Variants in PLEKHG7 observed in about 807,000 individuals in gnomAD.
The protein encoded by PLEKHG7 is pleckstrin homology domain-containing family G member 7.
Under a neutral mutation model 85.2 loss-of-function variants are expected in PLEKHG7, and 77 were observed. That is an observed-to-expected ratio of 0.90 (90% confidence interval 0.75 to 1.09). The LOEUF is 1.09. Among genes scored for constraint, PLEKHG7 ranks in the 50% least tolerant of loss-of-function variants. The probability of loss-of-function intolerance (pLI) is 0.00; values close to 1 mark genes in which losing one functional copy is unlikely to be tolerated. For synonymous variants in PLEKHG7, 301 were observed against 302.4 expected, an observed-to-expected ratio of 1.00 and a Z score of 0.05; for missense variants, 777 against 804.3, an observed-to-expected ratio of 0.97 and a Z score of 0.41.
chr12:92,719,136 T>C (rs981781675), intron 3 of PLEKHG7, among the ~76,000 whole-genome samples: 5 of 152,188 alleles, frequency 3.3e-5, no homozygotes, highest in African/African-American at 1.2e-4. Flanking sequence ...CAAAAGCGCA[T>C]TCCCAACAAT....
At chr12:92,732,582 G>A (rs1438807153) in intron 5 of PLEKHG7, among the ~76,000 whole-genome samples, 3 of 152,144 alleles carry the variant, frequency 2.0e-5, no homozygotes, top group African/African-American at 4.8e-5. Context: ...CAGCTCACTC[G>A]ATGAAGCAAA....
chr12:92,764,235 T>A, intron 15 of PLEKHG7, 41 bp downstream of exon 15: 1 of 1,543,784 alleles, frequency 6.5e-7, no homozygotes, highest in Non-Finnish European at 8.8e-7. Context: ...CTGTTTGCCA[T>A]CACAGAGTTT....
intron 13 of PLEKHG7, among the ~76,000 whole-genome samples, chr12:92,760,035 C>A (rs1344675375): frequency 6.6e-6 from 1 of 152,158 alleles, no homozygotes; most frequent in Non-Finnish European, 1.5e-5. Flanking sequence ...AGATGACTCA[C>A]CAATATGTCT....
intron 6 of PLEKHG7, among the ~76,000 whole-genome samples, chr12:92,737,051 T>C (rs540017462): frequency 6.6e-6 from 1 of 152,286 alleles, no homozygotes; most frequent in South Asian, 2.1e-4. Flanking sequence ...TTTTTGTCAA[T>C]AAACTGAAAA....
chr12:92,732,355 A>G (rs1178276558), intron 5 of PLEKHG7, 82 bp downstream of exon 5: 4 of 808,304 alleles, frequency 4.9e-6, no homozygotes, highest in Non-Finnish European at 6.6e-6. Context: ...GAGTCTCTTC[A>G]TTCTGCTTTA....
intron 3 of PLEKHG7, among the ~76,000 whole-genome samples, chr12:92,724,236 TC>T (rs1471282195): frequency 3.3e-5 from 5 of 152,328 alleles, no homozygotes; most frequent in Admixed American, 3.3e-4. Flanking sequence ...AATCCCAGTG[TC>T]CTGTATGCAA....
At chr12:92,748,968 T>G (rs1872611784) in intron 10 of PLEKHG7, among the ~76,000 whole-genome samples, 1 of 152,152 alleles carries the variant, frequency 6.6e-6, no homozygotes, top group South Asian at 2.1e-4. Context: ...TTTGATATTG[T>G]TCCCGTTTTT....
At chr12:92,719,393 C>A (rs1412022868) in intron 3 of PLEKHG7, among the ~76,000 whole-genome samples, 2 of 152,172 alleles carry the variant, frequency 1.3e-5, no homozygotes, top group African/African-American at 4.8e-5. Flanking sequence ...GGAATGCCAA[C>A]TTTTTCTAGT....
In PLEKHG7 at chr12:92,754,164, T is replaced by C. The variant is rs1350035993; in HGVS notation, c.1326T>C (p.Thr442=). ...ELLVAPLQRL[T]RYPLLLKNIW... ...TAGTGGCCCCACTACAGAGGCTCACTCGATATCCGTTGTTGCTGAAGAATA... is the reference window on the plus strand; with the variant it reads ...TAGTGGCCCCACTACAGAGGCTCACCCGATATCCGTTGTTGCTGAAGAATA... The change falls in exon 11 of 17, where the codon ACT becomes ACC. Residue 442 remains threonine, a synonymous_variant. Transcript: ENST00000344636. 1 of 1,614,060 alleles carries C rather than the reference T, an allele frequency of 6.2e-7. No homozygotes were observed.
At chr12:92,719,487 A>T (rs1443151073) in intron 3 of PLEKHG7, among the ~76,000 whole-genome samples, 2 of 152,224 alleles carry the variant, frequency 1.3e-5, no homozygotes, top group African/African-American at 2.4e-5. Context: ...ATAGTTTCTG[A>T]TGAATAGGGC....
intron 3 of PLEKHG7, among the ~76,000 whole-genome samples, chr12:92,716,351 G>T (rs2136577050): frequency 6.6e-6 from 1 of 152,208 alleles, no homozygotes; most frequent in Non-Finnish European, 1.5e-5. Context: ...ACCCTCCTTG[G>T]CCTCCCAAAG....
intron 11 of PLEKHG7, among the ~76,000 whole-genome samples, chr12:92,754,891 A>T (rs1457017633): frequency 1.3e-5 from 2 of 152,246 alleles, no homozygotes; most frequent in Non-Finnish European, 2.9e-5. Flanking sequence ...TCAGCTATAC[A>T]TAATTTTTTT....
chr12:92,755,958 A>G lies in PLEKHG7; in HGVS notation c.1542+18A>G, dbSNP rs770790003. 1.3e-5 allele frequency: 20 copies of G among 1,526,956 alleles called. No individual in the cohort carries two copies. The highest frequency in any genetic ancestry group is 5.8e-5 in the South Asian group (5 of 86,236). 94.6% of individuals were successfully genotyped at this position (1,526,956 alleles called of 1,614,324 possible). A position where few individuals can be genotyped will look rare whatever the true frequency, so the allele number is the denominator to read the frequency against. On this transcript the variant is annotated intron_variant, in intron 12 of 16. Coordinates refer to ENST00000344636, the MANE Select transcript of PLEKHG7 (RefSeq NM_001377329.1). ...TTCCAGAGGTACAAAAAAAAAATCA[A>G]TTAGGACTTATGTCCATTTCTGGAA...
intron 5 of PLEKHG7, 112 bp downstream of exon 5, chr12:92,732,385 G>A (rs919376043): frequency 5.0e-6 from 3 of 600,332 alleles, no homozygotes; most frequent in Non-Finnish European, 7.3e-6. Context: ...AAAGGCAGAT[G>A]GCACGTGAAA....
chr12:92,759,274 T>C (rs563427341), intron 13 of PLEKHG7, among the ~76,000 whole-genome samples: 2 of 152,332 alleles, frequency 1.3e-5, no homozygotes, highest in South Asian at 4.1e-4. Flanking sequence ...TTATCTAGAA[T>C]AACATCTGGA....
At chr12:92,762,686 G>A (rs1006993258) in intron 14 of PLEKHG7, among the ~76,000 whole-genome samples, 17 of 152,142 alleles carry the variant, frequency 1.1e-4, no homozygotes, top group Admixed American at 2.6e-4. Context: ...GAAGAGGAAC[G>A]CAATGTCTTC....
intron 10 of PLEKHG7, 82 bp from the exon 11 acceptor site, chr12:92,754,008 C>T (rs1349704260): frequency 1.6e-5 from 23 of 1,424,892 alleles, no homozygotes; most frequent in Non-Finnish European, 1.9e-6. Flanking sequence ...GTAAAATCTC[C>T]AAGAACCTCT....
At chr12:92,749,850 A>G (rs929286167) in intron 10 of PLEKHG7, 3 of 149,700 alleles carry the variant, frequency 2.0e-5, no homozygotes, top group African/African-American at 4.9e-5. Flanking sequence ...CAAATTTATT[A>G]GGATATTTTA....
rs1476201249 is a variant in PLEKHG7, at chr12:92,741,597, ACTC to A, written c.1137+8_1137+10del. 5.0e-6 allele frequency: 8 copies of A among 1,607,424 alleles called. No homozygotes were observed. In the Admixed American group the frequency reaches 5.0e-5, roughly 10 times the overall value. The stretch of plus-strand genomic sequence containing the variant: ...TTTATTTCCGTGCTCACAAAGGTAA[ACTC>A]CTTCTGGGAGACCTCAGCTTCATGT... On this transcript the variant is annotated splice_donor_region_variant and intron_variant, in intron 9 of 16. Coordinates refer to ENST00000344636, the MANE Select transcript of PLEKHG7 (RefSeq NM_001377329.1).
Sources: gnomAD v4.1 joint callset for allele counts (sites outside exome capture counted in the v4.1 genomes callset) on GRCh38, gnomAD v4.1.1 for gene constraint, MANE v1.5 for transcripts, NCBI Gene and HGNC (gene_info 2026-07-23, HGNC 2026-07-21) for gene names.